SLC6A2: variants seen among roughly 807,000 people sequenced by gnomAD.
SLC6A2 encodes the protein sodium-dependent noradrenaline transporter.
A neutral mutation model predicts 71.7 loss-of-function variants in SLC6A2; 26 were observed. The observed-to-expected ratio is 0.36, with a 90% CI of 0.27 to 0.50. The LOEUF (loss-of-function observed/expected upper bound fraction) is 0.50. SLC6A2 is among the 20% of genes least tolerant of loss of function. SLC6A2 has a pLI of 0.96. For synonymous variants in SLC6A2, 363 were observed against 337.9 expected (o/e 1.07, Z -0.82); for missense variants, 581 against 803.9 (o/e 0.72, Z 3.35).
At position 55,656,568 on chromosome 16, in the gene SLC6A2, G is replaced by GCT; in HGVS notation, c.-51-74_-51-73dup. 2 of 1,197,906 alleles carry GCT rather than the reference G, an allele frequency of 1.7e-6. No individual in the cohort carries two copies. Among genetic ancestry groups the GCT allele is most frequent in the South Asian group, 2.4e-5 (2 of 81,872 alleles). 74.2% of individuals were successfully genotyped at this position (1,197,906 alleles called of 1,614,324 possible). On this transcript the variant is annotated intron_variant, in intron 1 of 14. Coordinates refer to ENST00000568943, the MANE Select transcript of SLC6A2 (RefSeq NM_001172501.3). The surrounding 1 kb of genome is among the most constrained non-coding windows in gnomAD (Gnocchi z 4.5). ...GCGCGCTCATCCCAGTGTCTAAGGC[G>GCT]CTCCCGGGTGGTCTTGGGAGTTGCA...
intron 4 of SLC6A2, among the ~76,000 whole-genome samples, chr16:55,678,533 A>G (rs780780375): frequency 6.6e-6 from 1 of 152,070 alleles, no homozygotes; most frequent in East Asian, 1.9e-4. Context: ...CAAAACTGCT[A>G]TTCTCCCCAG....
At chr16:55,669,514 C>T in intron 2 of SLC6A2, 51 bp from the exon 3 acceptor site, 1 of 1,610,336 alleles carries the variant, frequency 6.2e-7, no homozygotes, top group Middle Eastern at 1.8e-4. Flanking sequence ...GGATCCAAGA[C>T]TGGGAGGGGC....
chr16:55,691,778 G>A (rs773019122), intron 5 of SLC6A2, 140 bp from the exon 6 acceptor site: 29 of 977,816 alleles, frequency 3.0e-5, no homozygotes, highest in Non-Finnish European at 4.1e-5. Flanking sequence ...CCTAGAGCTG[G>A]AACTTGTAGC....
chr16:55,688,625 G>A (rs1484176745), intron 5 of SLC6A2, among the ~76,000 whole-genome samples: 3 of 152,220 alleles, frequency 2.0e-5, no homozygotes, highest in African/African-American at 7.2e-5. Context: ...CTGAAACTCA[G>A]ATTGCTGGGT....
intron 5 of SLC6A2, among the ~76,000 whole-genome samples, chr16:55,690,085 C>A (rs1373268611): frequency 2.6e-5 from 4 of 152,184 alleles, no homozygotes; most frequent in African/African-American, 9.7e-5. Flanking sequence ...ATCTACTCAA[C>A]CCTCCACCCA....
chr16:55,684,828 C>A (rs933838161), intron 4 of SLC6A2, among the ~76,000 whole-genome samples: 1 of 152,182 alleles, frequency 6.6e-6, no homozygotes, highest in African/African-American at 2.4e-5. Context: ...GGACAGAAAC[C>A]TTCCCTATTT....
Position 55,685,182 on chromosome 16 carries a change from T to C in SLC6A2, c.684T>C (p.His228=). The C allele has an allele frequency of 1.2e-6, 2 of 1,614,206 alleles. No homozygotes were observed. Among genetic ancestry groups the C allele is most frequent in the Non-Finnish European group, 8.5e-7 (1 of 1,180,022 alleles). The stretch of plus-strand genomic sequence containing the variant: ...ACCTTCACGAGAGCAGCGGGATTCA[T>C]GACATCGGCCTGCCCCAGTGGCAGC... ...VLHLHESSGI[H]DIGLPQWQLL... Residue 228 remains histidine, a synonymous_variant, in exon 5 of 15, where the codon CAT becomes CAC. Transcript: ENST00000568943.
intron 2 of SLC6A2, 95 bp downstream of exon 2, chr16:55,657,063 C>A: frequency 1.4e-6 from 2 of 1,419,902 alleles, no homozygotes; most frequent in Non-Finnish European, 1.9e-6. Flanking sequence ...GGAAGGGAGG[C>A]GAGGAGACAG....
At chr16:55,701,018 T>G (rs1965957334) in intron 13 of SLC6A2, among the ~76,000 whole-genome samples, 2 of 152,326 alleles carry the variant, frequency 1.3e-5, no homozygotes, top group South Asian at 4.1e-4. Context: ...AAAACAAAGA[T>G]GATTTCATTC....
chr16:55,699,003 T>C (rs1965886499), intron 11 of SLC6A2, among the ~76,000 whole-genome samples: 2 of 152,228 alleles, frequency 1.3e-5, no homozygotes, highest in Non-Finnish European at 2.9e-5. Context: ...ACTGGGTATC[T>C]TGTATTTTTT....
At chr16:55,680,922 G>C (rs1303842182) in intron 4 of SLC6A2, among the ~76,000 whole-genome samples, 2 of 152,062 alleles carry the variant, frequency 1.3e-5, no homozygotes, top group African/African-American at 4.8e-5. Context: ...AGGGGGCATT[G>C]GTCTGGGTAG....
rs952081557 is a variant in SLC6A2, at chr16:55,705,457, C to T, written c.*3111C>T. ...TTATTTGTTTATTTCCTTCGAAAGC[C>T]ACCGAAGAGAGAAAAACAGAGAAGG... On this transcript the variant is annotated 3_prime_UTR_variant, in exon 15 of 15. Transcript: ENST00000568943. The T allele has an allele frequency of 4.0e-5, 22 of 553,132 alleles. No individual in the cohort carries two copies. The highest frequency in any genetic ancestry group is 3.0e-4 in the African/African-American group (16 of 53,400). 34.3% of individuals were successfully genotyped at this position (553,132 alleles called of 1,614,324 possible).
At chr16:55,697,829 C>A in intron 9 of SLC6A2, 68 bp from the exon 10 acceptor site, 2 of 1,592,926 alleles carry the variant, frequency 1.3e-6, no homozygotes, top group South Asian at 2.2e-5. Context: ...TCTAGGAACC[C>A]TGGGGCCTGA....
rs952337201 is a variant in SLC6A2 at position 55,699,717 on chromosome 16, G to T, written c.1590+63G>T. The T allele has an allele frequency of 1.9e-4, 235 of 1,232,302 alleles. 1 individual carries two copies. Among genetic ancestry groups the T allele is most frequent in the Middle Eastern group, 1.9e-4 (1 of 5,388 alleles). 76.3% of individuals were successfully genotyped at this position (1,232,302 alleles called of 1,614,324 possible). On this transcript the variant is annotated intron_variant, in intron 12 of 14. Coordinates refer to ENST00000568943, the MANE Select transcript of SLC6A2 (RefSeq NM_001172501.3). ...GGGGGCTGTGTCCAGGATGGAGCTG[G>T]GTGAGGATATTTGCTTCTTAGGGGA...
intron 2 of SLC6A2, among the ~76,000 whole-genome samples, chr16:55,669,112 AGGCACTGTCTCTTTTTCTCTGGTTTC>A (rs1964832627): frequency 6.6e-6 from 1 of 152,160 alleles, no homozygotes; most frequent in Non-Finnish European, 1.5e-5. Flanking sequence ...ATGTAAATTT[AGGCACTGTCTCTTTTTCTCTGGTTTC>A]AATTTTCTTG....
chr16:55,682,249 T>G (rs1206425098), intron 4 of SLC6A2, among the ~76,000 whole-genome samples: 1 of 152,132 alleles, frequency 6.6e-6, no homozygotes, highest in African/African-American at 2.4e-5. Flanking sequence ...GGACCTCTAG[T>G]TGAGCGCAAA....
At chr16:55,692,102 T>G in intron 6 of SLC6A2, 50 bp downstream of exon 6, 1 of 1,608,528 alleles carries the variant, frequency 6.2e-7, no homozygotes, top group East Asian at 2.2e-5. Context: ...TGGGAGGGTT[T>G]TCAGGAGAAG....
chr16:55,684,857 G>A (rs1263167236), intron 4 of SLC6A2, among the ~76,000 whole-genome samples: 1 of 152,210 alleles, frequency 6.6e-6, no homozygotes, highest in Admixed American at 6.5e-5. Context: ...AAGGCCAGGC[G>A]AGCAATAGGC....
At position 55,702,036 on chromosome 16, in the gene SLC6A2, A is replaced by G. The variant is rs1026065459; in HGVS notation, c.1830+102A>G. ...GCTAGACATCACATCCAGAAAACCC[A>G]GAAACCCAGTGTGAGCTGCCTTTTC... On this transcript the variant is annotated intron_variant, in intron 14 of 14. Coordinates refer to ENST00000568943, the MANE Select transcript of SLC6A2 (RefSeq NM_001172501.3). 5.1e-6 allele frequency: 5 copies of G among 978,812 alleles called. No homozygotes were observed. The South Asian group carries it at 6.6e-5, about 13-fold the overall frequency. 60.6% of individuals were successfully genotyped at this position (978,812 alleles called of 1,614,324 possible).
Sources: gnomAD v4.1 joint callset for allele counts (sites outside exome capture counted in the v4.1 genomes callset) on GRCh38, gnomAD v4.1.1 for gene constraint, Gnocchi (gnomAD v3.1) non-coding constraint, MANE v1.5 for transcripts, NCBI Gene and HGNC (gene_info 2026-07-23, HGNC 2026-07-21) for gene names.